The following PCDHA1 variants were observed in gnomAD, a reference collection of about 807,000 sequenced individuals.
PCDHA1 encodes the protein protocadherin alpha-1.
In PCDHA1, 42 loss-of-function variants were observed where a neutral mutation model predicts 61.3. The ratio of observed to expected loss-of-function variants is 0.69; its 90% CI spans 0.54 to 0.89. The LOEUF (loss-of-function observed/expected upper bound fraction) is 0.89. Ranked by LOEUF, PCDHA1 falls within the 40% of genes least tolerant of loss-of-function variation. PCDHA1 has a pLI of 0.00. For missense variants in PCDHA1, 1,256 were observed against 1,235.3 expected (o/e 1.02, Z -0.25); for synonymous variants, 610 against 553.8 (o/e 1.10, Z -1.43).
intron 1 of PCDHA1, chr5:140,869,346 T>G (rs781810947): frequency 4.3e-6 from 7 of 1,613,936 alleles, no homozygotes; most frequent in East Asian, 2.2e-5. Flanking sequence ...ATCTGCAGAA[T>G]GGCATTTTGT....
At chr5:140,871,521 CA>C in intron 1 of PCDHA1, 1 of 1,553,236 alleles carries the variant, frequency 6.4e-7, no homozygotes, top group Non-Finnish European at 8.7e-7. Context: ...TTCCACCTAT[CA>C]GGAAGTGTAT....
At position 140,787,218 on chromosome 5, in the gene PCDHA1, T is replaced by C; in HGVS notation, c.928T>C (p.Tyr310His). ...GEIRLIDKLDYEETKSYEIQV... is the reference protein window; with the variant it reads ...GEIRLIDKLDHEETKSYEIQV... ...AATTAGGTTAATTGATAAACTGGAT[T>C]ATGAAGAAACAAAATCCTACGAAAT... The change falls in exon 1 of 4, where the codon TAT (tyrosine) becomes CAT (histidine). Residue 310 changes from tyrosine to histidine, a missense_variant. Physicochemically the swap from Tyr to His is moderately conservative, Grantham distance 83. Transcript: ENST00000504120. 6.2e-7 allele frequency: 1 copy of C among 1,614,102 alleles called. No homozygotes were observed. Among genetic ancestry groups the C allele is most frequent in the Non-Finnish European group, 8.5e-7 (1 of 1,180,014 alleles).
intron 1 of PCDHA1, chr5:140,835,821 G>T (rs375168399): frequency 3.1e-6 from 5 of 1,612,714 alleles, no homozygotes; most frequent in East Asian, 2.2e-5. Flanking sequence ...TGTGTCGGCG[G>T]GGGACGCGGA....
intron 1 of PCDHA1, chr5:140,828,662 C>T: frequency 6.2e-7 from 1 of 1,614,124 alleles, no homozygotes; most frequent in Non-Finnish European, 8.5e-7. Flanking sequence ...TGACAATAAA[C>T]AAATTGGGCT....
intron 1 of PCDHA1, chr5:140,869,254 G>C (rs2050982255): frequency 6.2e-7 from 1 of 1,613,494 alleles, no homozygotes; most frequent in African/African-American, 1.3e-5. Flanking sequence ...CATCGCGCAG[G>C]ACCTGGGGCT....
At chr5:140,891,201 T>C (rs1301476369) in intron 1 of PCDHA1, among the ~76,000 whole-genome samples, 3 of 152,214 alleles carry the variant, frequency 2.0e-5, no homozygotes, top group Non-Finnish European at 4.4e-5. Context: ...TTTGCAGTTT[T>C]ACCATGCTGT....
At chr5:140,802,811 C>G (rs539786276) in intron 1 of PCDHA1, 21 of 1,613,238 alleles carry the variant, frequency 1.3e-5, no homozygotes, top group East Asian at 4.5e-5. Context: ...TGAGTGCGCG[C>G]GATGCGGGCG....
intron 1 of PCDHA1, chr5:140,857,533 G>T: frequency 6.3e-7 from 1 of 1,597,578 alleles, no homozygotes. Flanking sequence ...CTCTGGTGGA[G>T]CGGCGGTTGG....
intron 1 of PCDHA1, chr5:140,856,104 T>C: frequency 6.3e-7 from 1 of 1,597,888 alleles, no homozygotes; most frequent in Non-Finnish European, 8.6e-7. Context: ...TCGCTTCTTC[T>C]CCTCGCAGCC....
chr5:140,809,877 A>C, intron 1 of PCDHA1: 1 of 248,142 alleles, frequency 4.0e-6, no homozygotes, highest in South Asian at 7.6e-5. Flanking sequence ...CTATTATTTA[A>C]CCTATTACAT....
intron 1 of PCDHA1, chr5:140,809,759 A>C: frequency 4.9e-6 from 3 of 606,938 alleles, no homozygotes; most frequent in South Asian, 4.9e-5. Flanking sequence ...CCTTCATTTT[A>C]TGCTGCATTA....
chr5:141,004,094 G>C (rs962663466), intron 3 of PCDHA1, among the ~76,000 whole-genome samples: 1 of 152,194 alleles, frequency 6.6e-6, no homozygotes, highest in African/African-American at 2.4e-5. Flanking sequence ...TGCTTCTTCC[G>C]TTTTCATCTT....
chr5:140,854,040 T>A, intron 1 of PCDHA1: 1 of 281,106 alleles, frequency 3.6e-6, no homozygotes, highest in Non-Finnish European at 5.5e-6. Flanking sequence ...CACACATCTC[T>A]AGTCCCAATT....
chr5:140,805,656 C>T, intron 1 of PCDHA1: 1 of 845,064 alleles, frequency 1.2e-6, no homozygotes, highest in Non-Finnish European at 1.4e-6. Flanking sequence ...AGTCTTCATT[C>T]CCCATTAATA....
At chr5:140,920,381 A>G (rs887594411) in intron 1 of PCDHA1, among the ~76,000 whole-genome samples, 1 of 152,164 alleles carries the variant, frequency 6.6e-6, no homozygotes, top group Non-Finnish European at 1.5e-5. Flanking sequence ...GTGGATTCAT[A>G]TTACCATCTG....
chr5:140,857,663 G>A lies in PCDHA1; in HGVS notation c.2394+68979G>A, dbSNP rs377441915. ...ACAGTTCCAGGTGAGCGCGCGCGAT[G>A]GGGGCGTGCCGCCTCTGGGCAGCAA... On this transcript the variant is annotated intron_variant, in intron 1 of 3. Transcript: ENST00000504120. The A allele has an allele frequency of 1.9e-5, 30 of 1,596,736 alleles. 2 individuals are homozygous for A. Among genetic ancestry groups the A allele is most frequent in the Non-Finnish European group, 2.3e-5 (27 of 1,167,780 alleles).
At chr5:140,863,608 T>C (rs548888922) in intron 1 of PCDHA1, 1 of 349,702 alleles carries the variant, frequency 2.9e-6, no homozygotes, top group Non-Finnish European at 5.6e-6. Flanking sequence ...CCTATTAATG[T>C]CCCTCATAGT....
intron 1 of PCDHA1, chr5:140,843,673 T>G: frequency 6.3e-7 from 1 of 1,592,546 alleles, no homozygotes; most frequent in Non-Finnish European, 8.6e-7. Flanking sequence ...GATCAGTTGA[T>G]GTAGGCGAAG....
rs186780543 is a variant in PCDHA1, at chr5:140,848,623, C to T, written c.2394+59939C>T. On this transcript the variant is annotated intron_variant, in intron 1 of 3. Transcript: ENST00000504120. The stretch of plus-strand genomic sequence containing the variant: ...GTCCCGGAGGAAGCCGAACACGGCA[C>T]CTTCGTGGGCCGCATCGCGCAGGAC... The T allele has an allele frequency of 1.0e-5, 16 of 1,592,746 alleles. 2 individuals carry two copies. The Admixed American group carries it at 1.5e-4, about 15-fold the overall frequency.
Sources: allele counts gnomAD v4.1 joint callset (sites outside exome capture counted in the v4.1 genomes callset), GRCh38; gene constraint gnomAD v4.1.1; transcripts MANE v1.5; gene names NCBI Gene and HGNC (gene_info 2026-07-23, HGNC 2026-07-21).